Variants in ZNF385D observed in about 807,000 individuals in gnomAD.
The protein encoded by ZNF385D is zinc finger protein 385D.
In ZNF385D, 15 loss-of-function variants were observed where a neutral mutation model predicts 35.8. The observed-to-expected ratio is 0.42, with a 90% CI of 0.28 to 0.64. The LOEUF (loss-of-function observed/expected upper bound fraction) is 0.64, where lower values mean the gene tolerates loss of function less well. Ranked by LOEUF, ZNF385D falls within the 30% of genes least tolerant of loss-of-function variation. The probability of loss-of-function intolerance (pLI) is 0.23; values close to 1 mark genes in which losing one functional copy is unlikely to be tolerated. For missense variants in ZNF385D, 474 were observed against 494.6 expected (o/e 0.96, Z 0.39); for synonymous variants, 212 against 186.8 (o/e 1.13, Z -1.10).
In ZNF385D at chr3:21,785,851, T is replaced by C. The variant is rs569640161; in HGVS notation, c.326-120823A>G. Reference sequence around the variant, plus strand: ...TATAAACCTATTTGACTAACTGTACTGAATGTGGCAATTGCTTTTCCCCAC... The same window carrying C: ...TATAAACCTATTTGACTAACTGTACCGAATGTGGCAATTGCTTTTCCCCAC... On this transcript the variant is annotated intron_variant, in intron 3 of 5. Coordinates refer to the ZNF385D transcript ENST00000494108. Among the ~76,000 whole-genome samples the C allele has an allele frequency of 4.6e-5, 7 of 152,318 alleles. 1 individual carries two copies. The highest frequency in any genetic ancestry group is 1.4e-4 in the African/African-American group (6 of 41,576).
rs189527131 is a variant in ZNF385D at position 22,202,337 on chromosome 3, T to C, written c.107-33302A>G. On this transcript the variant is annotated intron_variant, in intron 2 of 5. Coordinates refer to the ZNF385D transcript ENST00000494108. ...TAGGAAGTGTTCAGATTCAGCCATG[T>C]CTCCTTCTCCTCAGAAGCAAATGGA... Among the ~76,000 whole-genome samples, 17 of 152,134 alleles carry C rather than the reference T, an allele frequency of 1.1e-4. No individual in the cohort carries two copies. The East Asian group carries it at 2.5e-3, about 23-fold the overall frequency.
At chr3:21,969,733 C>T (rs1387248726) in intron 3 of ZNF385D, among the ~76,000 whole-genome samples, 4 of 152,126 alleles carry the variant, frequency 2.6e-5, no homozygotes, top group Non-Finnish European at 5.9e-5. Flanking sequence ...CAGTAGTCAC[C>T]ATAGGCCTTG....
chr3:22,041,003 T>C lies in ZNF385D; in HGVS notation c.325+127814A>G, dbSNP rs369474826. ...CTTAGTATAGAAGCAGAGAATCGCA[T>C]TTACTGGCTCAAGTAACTATATAAC... On this transcript the variant is annotated intron_variant, in intron 3 of 5. Coordinates refer to the ZNF385D transcript ENST00000494108. Among the ~76,000 whole-genome samples the C allele has an allele frequency of 5.3e-5, 8 of 152,240 alleles. No individual in the cohort carries two copies. The South Asian group carries it at 1.7e-3, about 32-fold the overall frequency.
intron 3 of ZNF385D, among the ~76,000 whole-genome samples, chr3:22,110,466 T>C (rs1254239740): frequency 1.3e-5 from 2 of 152,016 alleles, no homozygotes; most frequent in African/African-American, 2.4e-5. Context: ...CCATAAAAAA[T>C]GATGAGTTCA....
At chr3:21,888,309 CAA>C (rs1698658375) in intron 3 of ZNF385D, among the ~76,000 whole-genome samples, 1 of 151,574 alleles carries the variant, frequency 6.6e-6, no homozygotes, top group African/African-American at 2.4e-5. Context: ...TGGTATATTG[CAA>C]AGAGAGAAAG....
chr3:21,499,106 G>A (rs1030115516), intron 4 of ZNF385D, among the ~76,000 whole-genome samples: 1 of 151,972 alleles, frequency 6.6e-6, no homozygotes, highest in African/African-American at 2.4e-5. Flanking sequence ...ATTACAATTA[G>A]ACCCAGCAAC....
chr3:21,981,411 G>T (rs776718905), intron 3 of ZNF385D, among the ~76,000 whole-genome samples: 3 of 151,980 alleles, frequency 2.0e-5, no homozygotes, highest in Admixed American at 6.6e-5. Flanking sequence ...TTTAAATGAG[G>T]CTATTTGTTT....
intron 2 of ZNF385D, among the ~76,000 whole-genome samples, chr3:22,289,322 G>C (rs1035481830): frequency 6.6e-6 from 1 of 152,140 alleles, no homozygotes. Flanking sequence ...TTACGTGCAA[G>C]CTGTTCCATA....
chr3:21,868,208 A>C lies in ZNF385D; in HGVS notation c.326-203180T>G, dbSNP rs552829859. Among the ~76,000 whole-genome samples the C allele has an allele frequency of 1.1e-4, 16 of 152,240 alleles. No individual in the cohort carries two copies. The South Asian group carries it at 3.1e-3, about 30-fold the overall frequency. ...GATGCAGTCTCTGTTGCAATTTTTCAACTCACTTATTGCACTGAAAGCATC... is the reference window on the plus strand; with the variant it reads ...GATGCAGTCTCTGTTGCAATTTTTCCACTCACTTATTGCACTGAAAGCATC... On this transcript the variant is annotated intron_variant, in intron 3 of 5. Coordinates refer to the ZNF385D transcript ENST00000494108.
chr3:21,992,548 G>A (rs1013330845), intron 3 of ZNF385D, among the ~76,000 whole-genome samples: 1 of 152,050 alleles, frequency 6.6e-6, no homozygotes, highest in African/African-American at 2.4e-5. Context: ...ATTTTCCATA[G>A]GAAGAGGATG....
At chr3:21,900,239 G>T (rs945187810) in intron 3 of ZNF385D, among the ~76,000 whole-genome samples, 1 of 152,078 alleles carries the variant, frequency 6.6e-6, no homozygotes, top group Non-Finnish European at 1.5e-5. Flanking sequence ...AAAACAGTTG[G>T]AGCCACGTCT....
At chr3:22,129,766 C>T (rs1163213511) in intron 3 of ZNF385D, among the ~76,000 whole-genome samples, 1 of 152,136 alleles carries the variant, frequency 6.6e-6, no homozygotes, top group African/African-American at 2.4e-5. Context: ...AAACACTCTC[C>T]AGGAGCTAAA....
At chr3:21,788,993 T>C (rs973036773) in intron 3 of ZNF385D, among the ~76,000 whole-genome samples, 38 of 152,070 alleles carry the variant, frequency 2.5e-4, no homozygotes, top group African/African-American at 8.9e-4. Context: ...TTCTGACAGA[T>C]GAGACCATGT....
intron 2 of ZNF385D, among the ~76,000 whole-genome samples, chr3:22,227,509 C>T (rs954441094): frequency 5.3e-5 from 8 of 152,152 alleles, no homozygotes; most frequent in Admixed American, 5.2e-4. Context: ...CATTTTGACA[C>T]AGTTGTCTTG....
intron 3 of ZNF385D, among the ~76,000 whole-genome samples, chr3:22,158,221 T>C (rs1040173157): frequency 6.6e-6 from 1 of 152,038 alleles, no homozygotes; most frequent in African/African-American, 2.4e-5. Flanking sequence ...TATATCTGAG[T>C]TTCTAACTGC....
intron 2 of ZNF385D, among the ~76,000 whole-genome samples, chr3:22,207,549 T>C (rs539914236): frequency 6.6e-6 from 1 of 151,918 alleles, no homozygotes; most frequent in South Asian, 2.1e-4. Flanking sequence ...TCTTGAATAG[T>C]ACACAGCAAG....
intron 3 of ZNF385D, among the ~76,000 whole-genome samples, chr3:21,988,803 G>C (rs1459415657): frequency 6.6e-6 from 1 of 152,094 alleles, no homozygotes; most frequent in Non-Finnish European, 1.5e-5. Context: ...TCAGACTGCT[G>C]TGCTAGCAAT....
intron 3 of ZNF385D, among the ~76,000 whole-genome samples, chr3:21,884,455 G>A (rs1207904320): frequency 6.6e-6 from 1 of 151,938 alleles, no homozygotes; most frequent in African/African-American, 2.4e-5. Context: ...TATTAAGTTG[G>A]TTCTTGACCT....
intron 3 of ZNF385D, among the ~76,000 whole-genome samples, chr3:21,517,760 T>A (rs1334774979): frequency 6.6e-6 from 1 of 152,214 alleles, no homozygotes; most frequent in Non-Finnish European, 1.5e-5. Flanking sequence ...AGTGGCTTTT[T>A]GAATAATTGG....
Sources: gnomAD v4.1 joint callset for allele counts (sites outside exome capture counted in the v4.1 genomes callset) on GRCh38, gnomAD v4.1.1 for gene constraint, MANE v1.5 for transcripts, NCBI Gene and HGNC (gene_info 2026-07-23, HGNC 2026-07-21) for gene names.